PRTG: variants seen among roughly 807,000 people sequenced by gnomAD.
PRTG encodes the protein protogenin, also known as immunoglobulin superfamily, DCC subclass, member 5.
PRTG carries 67 observed loss-of-function variants against 122.5 expected under a neutral mutation model. The observed-to-expected ratio is 0.55, with a 90% CI of 0.45 to 0.67. PRTG has a LOEUF of 0.67. PRTG is among the 30% of genes least tolerant of loss of function. PRTG has a pLI of 0.00. For synonymous variants in PRTG, 554 were observed against 501.1 expected, an observed-to-expected ratio of 1.11 and a Z score of -1.41; for missense variants, 1,435 against 1,415.4, an observed-to-expected ratio of 1.01 and a Z score of -0.22.
intron 2 of PRTG, among the ~76,000 whole-genome samples, chr15:55,709,358 AAT>A (rs2030287755): frequency 6.8e-6 from 1 of 147,336 alleles, no homozygotes; most frequent in Non-Finnish European, 1.5e-5. Flanking sequence ...TTATATATAA[AAT>A]ATATATAAAA....
intron 11 of PRTG, among the ~76,000 whole-genome samples, chr15:55,647,359 G>C (rs1046378770): frequency 6.6e-6 from 1 of 152,100 alleles, no homozygotes; most frequent in Non-Finnish European, 1.5e-5. Flanking sequence ...CATTTATCAA[G>C]AGCCCACCAA....
At chr15:55,729,043 TAA>T (rs1174866371) in intron 2 of PRTG, among the ~76,000 whole-genome samples, 4 of 152,144 alleles carry the variant, frequency 2.6e-5, no homozygotes, top group Middle Eastern at 3.4e-3. Flanking sequence ...AGCAAAAAGG[TAA>T]AAGACTGTAC....
chr15:55,670,765 G>A (rs954362712), intron 11 of PRTG, among the ~76,000 whole-genome samples: 1 of 152,124 alleles, frequency 6.6e-6, no homozygotes. Context: ...GCTGGGCTTG[G>A]TGGTGCATGC....
chr15:55,660,922 A>T (rs1186223411), intron 11 of PRTG, among the ~76,000 whole-genome samples: 1 of 152,208 alleles, frequency 6.6e-6, no homozygotes, highest in Non-Finnish European at 1.5e-5. Context: ...AATTTCTTCA[A>T]AGGTCTCAAT....
intron 12 of PRTG, 32 bp from the exon 13 acceptor site, chr15:55,639,860 C>T (rs370568879): frequency 1.1e-5 from 17 of 1,607,300 alleles, no homozygotes; most frequent in East Asian, 4.5e-5. Flanking sequence ...ATTTACGATA[C>T]GACATAACAT....
intron 2 of PRTG, among the ~76,000 whole-genome samples, chr15:55,700,799 C>T (rs1262289503): frequency 6.6e-6 from 1 of 152,032 alleles, no homozygotes; most frequent in East Asian, 1.9e-4. Flanking sequence ...AAATAAACCC[C>T]TCCTCTTGGA....
intron 1 of PRTG, among the ~76,000 whole-genome samples, chr15:55,741,632 G>A (rs1224521071): frequency 6.6e-6 from 1 of 152,198 alleles, no homozygotes; most frequent in Non-Finnish European, 1.5e-5. Flanking sequence ...GGTGAATGGA[G>A]AATGGGGGTG....
intron 2 of PRTG, among the ~76,000 whole-genome samples, chr15:55,725,390 A>C (rs2030989020): frequency 6.6e-6 from 1 of 152,150 alleles, no homozygotes; most frequent in Non-Finnish European, 1.5e-5. Context: ...AAAAAAAGGT[A>C]TAAGGTAAGC....
At chr15:55,667,139 T>G (rs768757951) in intron 11 of PRTG, among the ~76,000 whole-genome samples, 1 of 151,878 alleles carries the variant, frequency 6.6e-6, no homozygotes, top group Admixed American at 6.6e-5. Context: ...ATACCTCTAA[T>G]TCATCCAGAG....
chr15:55,713,968 T>TA (rs2030500329), intron 2 of PRTG, among the ~76,000 whole-genome samples: 1 of 152,188 alleles, frequency 6.6e-6, no homozygotes, highest in Non-Finnish European at 1.5e-5. Flanking sequence ...TAAAATATTT[T>TA]AAAATCTTTC....
intron 18 of PRTG, among the ~76,000 whole-genome samples, chr15:55,622,534 C>G (rs1211819427): frequency 1.4e-5 from 2 of 146,982 alleles, no homozygotes; most frequent in Non-Finnish European, 3.0e-5. Flanking sequence ...CAGGCGCCTA[C>G]TACCATGACC....
At chr15:55,737,998 CTCTCTATATATA>C (rs1477240737) in intron 2 of PRTG, among the ~76,000 whole-genome samples, 2 of 65,308 alleles carry the variant, frequency 3.1e-5, no homozygotes, top group African/African-American at 9.6e-5. Flanking sequence ...CTCTCTCTCT[CTCTCTATATATA>C]TATATATATA....
In PRTG at chr15:55,627,258, A is replaced by G. The variant is rs2059199938; in HGVS notation, c.2807-130T>C. 1.2e-5 allele frequency: 6 copies of G among 503,082 alleles called. No individual in the cohort carries two copies. The South Asian group carries it at 2.1e-4, about 17-fold the overall frequency. 31.2% of individuals were successfully genotyped at this position (503,082 alleles called of 1,614,324 possible). On this transcript the variant is annotated intron_variant, in intron 16 of 19. Transcript: ENST00000389286. Reference sequence around the variant, plus strand: ...AAAAGTTTTGACATTGTCAACATCAAAGCAGAAAGGACACACAGTAATCTT... The same window carrying G: ...AAAAGTTTTGACATTGTCAACATCAGAGCAGAAAGGACACACAGTAATCTT...
At chr15:55,714,023 C>G (rs1431664243) in intron 2 of PRTG, among the ~76,000 whole-genome samples, 1 of 152,130 alleles carries the variant, frequency 6.6e-6, no homozygotes, top group African/African-American at 2.4e-5. Flanking sequence ...GGTACTTAAC[C>G]CTGTACATTT....
rs764747833 is a variant in PRTG at position 55,637,200 on chromosome 15, C to A, written c.2593G>T (p.Ala865Ser). The A allele has an allele frequency of 6.2e-7, 1 of 1,604,900 alleles. No homozygotes were observed. Among genetic ancestry groups the A allele is most frequent in the South Asian group, 1.1e-5 (1 of 89,146 alleles). ...CGGTGTAAGACCTGCCACTCTCCTG[C>A]AATCCAGGCCTTCCTAGATGCATAT... ...ILYASRKAWI[A>S]GEWQVLHREG... The change falls in exon 15 of 20, where the codon GCA (alanine) becomes TCA (serine). Residue 865 changes from alanine (A) to serine (S), a missense_variant. By Grantham distance (99) the Ala-to-Ser change is moderately conservative. Coordinates refer to ENST00000389286, the MANE Select transcript of PRTG (RefSeq NM_173814.6).
At chr15:55,725,167 G>A (rs779862920) in intron 2 of PRTG, among the ~76,000 whole-genome samples, 1 of 152,146 alleles carries the variant, frequency 6.6e-6, no homozygotes, top group Non-Finnish European at 1.5e-5. Flanking sequence ...TATAAAAGGG[G>A]GGTGAAGCTG....
intron 2 of PRTG, among the ~76,000 whole-genome samples, chr15:55,689,733 C>T (rs1200050820): frequency 6.6e-6 from 1 of 152,010 alleles, no homozygotes; most frequent in Non-Finnish European, 1.5e-5. Flanking sequence ...CGAGACCACC[C>T]TGGCTAACAC....
chr15:55,651,484 C>T (rs751256188), intron 11 of PRTG, among the ~76,000 whole-genome samples: 4 of 152,144 alleles, frequency 2.6e-5, no homozygotes, highest in Non-Finnish European at 4.4e-5. Flanking sequence ...AGCTTCTATA[C>T]CATACCTTCC....
At chr15:55,680,786 T>A (rs1252594769) in intron 4 of PRTG, among the ~76,000 whole-genome samples, 158 bp from the exon 5 acceptor site, 1 of 152,192 alleles carries the variant, frequency 6.6e-6, no homozygotes, top group Non-Finnish European at 1.5e-5. Context: ...ATCTGAAGTA[T>A]ATAATTCAGT....
Sources: allele counts gnomAD v4.1 joint callset (sites outside exome capture counted in the v4.1 genomes callset), GRCh38; gene constraint gnomAD v4.1.1; transcripts MANE v1.5; gene names NCBI Gene and HGNC (gene_info 2026-07-23, HGNC 2026-07-21).